Variants in PRKN observed in about 807,000 individuals in gnomAD.
The protein encoded by PRKN is E3 ubiquitin-protein ligase parkin.
PRKN carries 56 observed loss-of-function variants against 59.5 expected under a neutral mutation model. The observed-to-expected ratio is 0.94, with a 90% CI of 0.76 to 1.18. The LOEUF is 1.18. Ranked by LOEUF, PRKN falls within the 50% of genes most tolerant of loss-of-function variation. The probability of loss-of-function intolerance (pLI) is 0.00; values close to 1 mark genes in which losing one functional copy is unlikely to be tolerated. For missense variants in PRKN, 657 were observed against 596.4 expected (o/e 1.10, Z -1.06); for synonymous variants, 250 against 222.1 (o/e 1.13, Z -1.12).
rs72566512 is a variant in PRKN at position 161,519,431 on chromosome 6, T to G, written c.1083+29423A>C. Among the ~76,000 whole-genome samples the G allele has an allele frequency of 6.4e-3, 979 of 152,118 alleles. 12 individuals are homozygous for G. The highest frequency in any genetic ancestry group is 0.022 in the African/African-American group (913 of 41,508). ...CTCCAGACTTTTACTGGTCTAGCAA[T>G]TTGATTAGTATCAGGGTAGTAACAT... is the stretch of plus-strand genomic sequence containing the variant. On this transcript the variant is annotated intron_variant, in intron 9 of 11. Coordinates refer to ENST00000366898, the MANE Select transcript of PRKN (RefSeq NM_004562.3).
intron 5 of PRKN, among the ~76,000 whole-genome samples, chr6:162,040,939 C>T (rs1048620860): frequency 2.0e-5 from 3 of 151,372 alleles, no homozygotes; most frequent in Non-Finnish European, 2.9e-5. Flanking sequence ...TACCATGGAA[C>T]GTTGGGAAGC....
intron 6 of PRKN, among the ~76,000 whole-genome samples, chr6:161,858,231 C>G (rs532600077): frequency 6.6e-6 from 1 of 152,248 alleles, no homozygotes; most frequent in South Asian, 2.1e-4. Context: ...ATAAGGATAA[C>G]CTATTCAGAT....
At position 162,303,089 on chromosome 6, in the gene PRKN, T is replaced by A. The variant is rs549209850; in HGVS notation, c.172-40324A>T. 2.0e-5 allele frequency among the ~76,000 whole-genome samples: 3 copies of A among 151,840 alleles called. No homozygotes were observed. The East Asian group carries it at 5.8e-4, about 29-fold the overall frequency. ...AGAACATAAAACTAGTTACTCATAT[T>A]TGGAAAGGTAATTCAGTACTATTTG... On this transcript the variant is annotated intron_variant, in intron 2 of 11. Coordinates refer to ENST00000366898, the MANE Select transcript of PRKN (RefSeq NM_004562.3).
chr6:162,546,100 G>GTTTTTTTTTTTTTTTTTTTTTTTT (rs11396761), intron 1 of PRKN, among the ~76,000 whole-genome samples: 1 of 116,662 alleles, frequency 8.6e-6, no homozygotes, highest in Admixed American at 9.5e-5. Context: ...AGTGTATGCA[G>GTTTTTTTTTTTTTTTTTTTTTTTT]TTTTTTTTTT....
chr6:162,701,885 ACCCC>A (rs200086630), intron 1 of PRKN, among the ~76,000 whole-genome samples: 6 of 98,884 alleles, frequency 6.1e-5, no homozygotes, highest in Admixed American at 1.2e-4. Context: ...ACACACACAC[ACCCC>A]CCCGACAAAA....
chr6:162,482,377 T>C (rs1792350121), intron 1 of PRKN, among the ~76,000 whole-genome samples: 1 of 152,186 alleles, frequency 6.6e-6, no homozygotes, highest in Non-Finnish European at 1.5e-5. Flanking sequence ...GCAAGTGCAC[T>C]TGAAGAAATT....
chr6:162,242,922 C>G (rs781588703), intron 3 of PRKN, among the ~76,000 whole-genome samples: 7 of 151,968 alleles, frequency 4.6e-5, no homozygotes, highest in Non-Finnish European at 7.4e-5. Context: ...CATGAAAGAG[C>G]CTTGAAAACA....
intron 4 of PRKN, among the ~76,000 whole-genome samples, chr6:162,148,649 C>T (rs1171894238): frequency 2.0e-5 from 3 of 151,758 alleles, no homozygotes; most frequent in Admixed American, 2.0e-4. Flanking sequence ...TGGAAAAAAG[C>T]CTAAAATAAA....
intron 3 of PRKN, among the ~76,000 whole-genome samples, chr6:162,235,997 GAAAGAAA>G (rs1562602641): frequency 7.3e-6 from 1 of 136,808 alleles, no homozygotes; most frequent in Non-Finnish European, 1.6e-5. Flanking sequence ...AAGAAAGAAA[GAAAGAAA>G]GAAAGAAAGA....
intron 1 of PRKN, among the ~76,000 whole-genome samples, chr6:162,560,596 A>C (rs1779793185): frequency 6.6e-6 from 1 of 152,146 alleles, no homozygotes; most frequent in African/African-American, 2.4e-5. Context: ...AAAAACATAA[A>C]TTTGAACTAA....
intron 3 of PRKN, among the ~76,000 whole-genome samples, chr6:162,235,844 A>AGGAG (rs1778634382): frequency 6.7e-6 from 1 of 149,230 alleles, no homozygotes; most frequent in Non-Finnish European, 1.5e-5. Flanking sequence ...GAGGGAGGAA[A>AGGAG]GGAGGGAGGA....
intron 6 of PRKN, among the ~76,000 whole-genome samples, chr6:161,859,318 A>T (rs964243809): frequency 6.6e-6 from 1 of 151,802 alleles, no homozygotes; most frequent in African/African-American, 2.4e-5. Context: ...AGAAATGAGA[A>T]CGCAGGCCAG....
At chr6:161,956,998 G>T (rs1429739544) in intron 6 of PRKN, among the ~76,000 whole-genome samples, 13 of 152,276 alleles carry the variant, frequency 8.5e-5, no homozygotes, top group African/African-American at 3.1e-4. Context: ...GGACTCTGTG[G>T]TCATGGGAAC....
At chr6:161,733,286 A>G (rs983947281) in intron 7 of PRKN, among the ~76,000 whole-genome samples, 2 of 152,182 alleles carry the variant, frequency 1.3e-5, no homozygotes. Flanking sequence ...GCCAGAATTA[A>G]AAGAACTGAG....
chr6:162,592,467 T>C (rs900338855), intron 1 of PRKN, among the ~76,000 whole-genome samples: 1 of 152,198 alleles, frequency 6.6e-6, no homozygotes, highest in Non-Finnish European at 1.5e-5. Context: ...TTGTCCCCAT[T>C]TGGGTTCTGT....
At chr6:162,339,476 C>T (rs1467526206) in intron 2 of PRKN, among the ~76,000 whole-genome samples, 2 of 144,182 alleles carry the variant, frequency 1.4e-5, no homozygotes, top group Admixed American at 1.4e-4. Context: ...AAGTGAGGAG[C>T]CCCTCTGCCC....
Position 161,499,474 on chromosome 6 carries a change from C to G in PRKN, c.1083+49380G>C, listed in dbSNP as rs1395950018. ...TCAGTGTTTCCCACCCCTCATTTCT[C>G]TCGTTCATGTCACCTGTTGCTTCTT... On this transcript the variant is annotated intron_variant, in intron 9 of 11. Coordinates refer to ENST00000366898, the MANE Select transcript of PRKN (RefSeq NM_004562.3). This position sits in a 1 kb window ranked among gnomAD's most constrained non-coding sequence, Gnocchi z 4.2. Among the ~76,000 whole-genome samples, 1 of 152,144 alleles carries G rather than the reference C, an allele frequency of 6.6e-6. No individual in the cohort carries two copies. The highest frequency in any genetic ancestry group is 6.5e-5 in the Admixed American group (1 of 15,272).
At chr6:162,221,301 T>C (rs1282207931) in intron 3 of PRKN, among the ~76,000 whole-genome samples, 2 of 152,190 alleles carry the variant, frequency 1.3e-5, no homozygotes, top group East Asian at 1.9e-4. Context: ...CAAAATGAAA[T>C]AGACCTTCTT....
At chr6:162,696,005 C>T (rs1777952016) in intron 1 of PRKN, among the ~76,000 whole-genome samples, 1 of 152,004 alleles carries the variant, frequency 6.6e-6, no homozygotes, top group African/African-American at 2.4e-5. Context: ...TACAGCTGCT[C>T]TGAAAAGTAA....
Sources: allele counts gnomAD v4.1 joint callset (sites outside exome capture counted in the v4.1 genomes callset), GRCh38; gene constraint gnomAD v4.1.1; non-coding constraint Gnocchi (gnomAD v3.1); transcripts MANE v1.5; gene names NCBI Gene and HGNC (gene_info 2026-07-23, HGNC 2026-07-21).